Variants in MRPL35 observed in about 807,000 individuals in gnomAD.
The protein encoded by MRPL35 is large ribosomal subunit protein bL35m.
In MRPL35, 18 loss-of-function variants were observed where a neutral mutation model predicts 21.6. The ratio of observed to expected loss-of-function variants is 0.83; its 90% confidence interval spans 0.58 to 1.24. MRPL35 has a LOEUF of 1.24. Among genes scored for constraint, MRPL35 ranks in the 50% most tolerant of loss-of-function variants. The pLI is 0.00. For missense variants in MRPL35, 223 were observed against 223.2 expected (o/e 1.00, Z 0.01); for synonymous variants, 87 against 86.9 (o/e 1.00, Z -0.01).
At position 86,207,313 on chromosome 2, in the gene MRPL35, T is replaced by C; in HGVS notation, c.364T>C (p.Trp122Arg). 1 of 1,612,864 alleles carries C rather than the reference T, an allele frequency of 6.2e-7. No homozygotes were observed. Among genetic ancestry groups the C allele is most frequent in the African/African-American group, 1.3e-5 (1 of 74,930 alleles). ...DRFLRLHCGL[W>R]VRRKAGYKKK... Reference sequence around the variant, plus strand: ...GTTTCTTCGACTTCATTGTGGCCTTTGGGTGAGGAGAAAGGTGAGTCTTCA... The same window carrying C: ...GTTTCTTCGACTTCATTGTGGCCTTCGGGTGAGGAGAAAGGTGAGTCTTCA... Residue 122 changes from tryptophan (W) to arginine (R), a missense_variant, in exon 3 of 4, where the codon TGG becomes CGG. Coordinates refer to ENST00000337109, the MANE Select transcript of MRPL35 (RefSeq NM_016622.4).
In MRPL35 at chr2:86,211,358, A is replaced by G. The variant is rs1573973721; in HGVS notation, c.*690A>G. 3.1e-6 allele frequency: 3 copies of G among 972,614 alleles called. No homozygotes were observed. Among genetic ancestry groups the G allele is most frequent in the Non-Finnish European group, 2.4e-6 (2 of 818,452 alleles). The allele number at this position is 972,614 out of a possible 1,614,324, so 60.2% of individuals were successfully genotyped here. On this transcript the variant is annotated 3_prime_UTR_variant, in exon 4 of 4. Coordinates refer to ENST00000337109, the MANE Select transcript of MRPL35 (RefSeq NM_016622.4). ...TTTAACTGGGCCAGACTACCTTTTT[A>G]TACTAGGTCTGGTTGGGTCATTGTC...
At chr2:86,207,651 A>G (rs116869828) in intron 3 of MRPL35, among the ~76,000 whole-genome samples, 1 of 151,150 alleles carries the variant, frequency 6.6e-6, no homozygotes, top group African/African-American at 2.4e-5. Flanking sequence ...AAAAGAAAAA[A>G]GGAGTGTGAG....
chr2:86,207,352 T>C, intron 3 of MRPL35, 25 bp downstream of exon 3: 1 of 1,596,108 alleles, frequency 6.3e-7, no homozygotes, highest in Non-Finnish European at 8.5e-7. Flanking sequence ...TGTTACTAAA[T>C]TGAAAAAGGA....
intron 2 of MRPL35, 59 bp downstream of exon 2, chr2:86,206,354 A>G (rs1225694094): frequency 4.1e-6 from 6 of 1,467,638 alleles, no homozygotes; most frequent in Non-Finnish European, 5.6e-6. Context: ...TTTTTTTGAG[A>G]CGGAGTCTCA....
chr2:86,201,860 A>G (rs1320056203), intron 1 of MRPL35, among the ~76,000 whole-genome samples: 3 of 152,172 alleles, frequency 2.0e-5, no homozygotes, highest in African/African-American at 4.8e-5. Flanking sequence ...CCTTTGATTC[A>G]TGCCACATAG....
chr2:86,199,904 A>C (rs907771397), intron 1 of MRPL35, among the ~76,000 whole-genome samples: 1 of 152,188 alleles, frequency 6.6e-6, no homozygotes, highest in African/African-American at 2.4e-5. Flanking sequence ...TCCTAACTTA[A>C]GATTCTACAC....
At position 86,213,503 on chromosome 2, in the gene MRPL35, A is replaced by C; in HGVS notation, c.*2835A>C. 1 of 1,379,578 alleles carries C rather than the reference A, an allele frequency of 7.2e-7. No individual in the cohort carries two copies. 85.5% of individuals were successfully genotyped at this position (1,379,578 alleles called of 1,614,324 possible). ...GTCTGTGTTTAATTTTGATGTTTCA[A>C]ATTTTGAGCTTCCAAGTCTTTGTGG... is the stretch of plus-strand genomic sequence containing the variant. On this transcript the variant is annotated 3_prime_UTR_variant, in exon 4 of 4. Coordinates refer to ENST00000337109, the MANE Select transcript of MRPL35 (RefSeq NM_016622.4).
intron 1 of MRPL35, among the ~76,000 whole-genome samples, chr2:86,205,160 G>A (rs1302891783): frequency 2.0e-5 from 3 of 152,176 alleles, no homozygotes; most frequent in Admixed American, 2.0e-4. Flanking sequence ...AGGAGGTCAA[G>A]GCTGCAGTGA....
chr2:86,213,531 A>G lies in MRPL35; in HGVS notation c.*2863A>G, dbSNP rs1231934307. 4 of 1,430,850 alleles carry G rather than the reference A, an allele frequency of 2.8e-6. No homozygotes were observed. The African/African-American group carries it at 4.4e-5, about 16-fold the overall frequency. The allele number at this position is 1,430,850 out of a possible 1,614,324, so 88.6% of individuals were successfully genotyped here. ...TTTGAGCTTCCAAGTCTTTGTGGCC[A>G]CCCAATGAAGTTTGAGTCTGCCTGT... is the stretch of plus-strand genomic sequence containing the variant. On this transcript the variant is annotated 3_prime_UTR_variant, in exon 4 of 4. Transcript: ENST00000337109.
chr2:86,207,118 G>T, intron 2 of MRPL35, 65 bp from the exon 3 acceptor site: 1 of 1,448,362 alleles, frequency 6.9e-7, no homozygotes, highest in Non-Finnish European at 9.3e-7. Context: ...TCTCAGTATA[G>T]ATAATGAATT....
intron 3 of MRPL35, among the ~76,000 whole-genome samples, chr2:86,208,652 C>T (rs1452692974): frequency 6.6e-6 from 1 of 152,142 alleles, no homozygotes; most frequent in Non-Finnish European, 1.5e-5. Context: ...CCTCTTCTAG[C>T]CCTAGGTAAA....
At chr2:86,202,877 G>T (rs1291667877) in intron 1 of MRPL35, among the ~76,000 whole-genome samples, 1 of 151,882 alleles carries the variant, frequency 6.6e-6, no homozygotes, top group African/African-American at 2.4e-5. Context: ...TTTTAGTAGA[G>T]ACGGGGTTTC....
At chr2:86,210,410 T>A in intron 3 of MRPL35, 70 bp from the exon 4 acceptor site, 2 of 1,265,398 alleles carry the variant, frequency 1.6e-6, no homozygotes, top group Non-Finnish European at 2.1e-6. Flanking sequence ...TCTATAAACC[T>A]TGAGTTGTGA....
intron 3 of MRPL35, 45 bp downstream of exon 3, chr2:86,207,372 C>A: frequency 6.3e-7 from 1 of 1,585,728 alleles, no homozygotes. Context: ...AATGTGAGGC[C>A]GGGCGTGGTG....
Position 86,212,356 on chromosome 2 carries a change from G to T in MRPL35, c.*1688G>T. The T allele has an allele frequency of 6.2e-7, 1 of 1,612,560 alleles. No homozygotes were observed. Among genetic ancestry groups the T allele is most frequent in the Non-Finnish European group, 8.5e-7 (1 of 1,179,332 alleles). On this transcript the variant is annotated 3_prime_UTR_variant, in exon 4 of 4. Transcript: ENST00000337109. ...ATAAAGAACAGACATTTGATTTGAG[G>T]TGAGGTAAAAGCCTGAAACATGGAA...
intron 3 of MRPL35, among the ~76,000 whole-genome samples, chr2:86,209,990 G>T (rs1673869765): frequency 6.6e-6 from 1 of 152,170 alleles, no homozygotes; most frequent in Admixed American, 6.5e-5. Context: ...CTGGGTGACA[G>T]AGTGAGACCC....
chr2:86,213,492 T>C lies in MRPL35; in HGVS notation c.*2824T>C. 7.3e-7 allele frequency: 1 copy of C among 1,370,524 alleles called. No homozygotes were observed. Among genetic ancestry groups the C allele is most frequent in the Non-Finnish European group, 9.5e-7 (1 of 1,050,546 alleles). The allele number at this position is 1,370,524 out of a possible 1,614,324, so 84.9% of individuals were successfully genotyped here. A position where few individuals can be genotyped will look rare whatever the true frequency, so the allele number is the denominator to read the frequency against. On this transcript the variant is annotated 3_prime_UTR_variant, in exon 4 of 4. Transcript: ENST00000337109. ...AAAGAAATTGGGTCTGTGTTTAATT[T>C]TGATGTTTCAAATTTTGAGCTTCCA...
chr2:86,210,347 T>A, intron 3 of MRPL35, 133 bp from the exon 4 acceptor site: 13 of 256,446 alleles, frequency 5.1e-5, no homozygotes, highest in East Asian at 1.6e-4. Context: ...GAATCACATC[T>A]TTCCAAGAAA....
In MRPL35 at chr2:86,213,733, A is replaced by G; in HGVS notation, c.*3065A>G. The stretch of plus-strand genomic sequence containing the variant: ...TACCAGTGGACTATTCTATTTTCAC[A>G]GCTACCTAGTTTCTGCCGATGATTT... On this transcript the variant is annotated 3_prime_UTR_variant, in exon 4 of 4. Transcript: ENST00000337109. 3 of 1,482,570 alleles carry G rather than the reference A, an allele frequency of 2.0e-6. No individual in the cohort carries two copies. Among genetic ancestry groups the G allele is most frequent in the Non-Finnish European group, 2.8e-6 (3 of 1,088,652 alleles). 91.8% of individuals were successfully genotyped at this position (1,482,570 alleles called of 1,614,324 possible).
Sources: gnomAD v4.1 joint callset for allele counts (sites outside exome capture counted in the v4.1 genomes callset) on GRCh38, gnomAD v4.1.1 for gene constraint, MANE v1.5 for transcripts, NCBI Gene and HGNC (gene_info 2026-07-23, HGNC 2026-07-21) for gene names.